Variants in TGFBR1 observed in about 807,000 individuals in gnomAD.
The protein encoded by TGFBR1 is transforming growth factor beta receptor 1, also known as TGF-beta receptor type-1.
Under a neutral mutation model 55.1 loss-of-function variants are expected in TGFBR1, and 20 were observed. That is an observed-to-expected ratio of 0.36 (90% CI 0.26 to 0.53). The LOEUF is 0.53. Among genes scored for constraint, TGFBR1 ranks in the 20% least tolerant of loss-of-function variants. TGFBR1 has a pLI of 0.91. For synonymous variants in TGFBR1, 220 were observed against 214.8 expected (o/e 1.02, Z -0.21); for missense variants, 385 against 617.6 (o/e 0.62, Z 3.99).
intron 1 of TGFBR1, among the ~76,000 whole-genome samples, chr9:99,128,349 TCTGTTTCCGTTA>T (rs1827101002): frequency 6.6e-6 from 1 of 152,106 alleles, no homozygotes; most frequent in Non-Finnish European, 1.5e-5. Context: ...TCAGTACAAA[TCTGTTTCCGTTA>T]CTCCATTATC....
chr9:99,144,974 T>C, intron 6 of TGFBR1, 86 bp downstream of exon 6: 1 of 1,487,426 alleles, frequency 6.7e-7, no homozygotes, highest in Admixed American at 1.8e-5. Flanking sequence ...TTGCTGAAAC[T>C]CAGCTTAAAC....
intron 4 of TGFBR1, among the ~76,000 whole-genome samples, chr9:99,141,248 G>A (rs1026984819): frequency 6.6e-6 from 1 of 152,190 alleles, no homozygotes; most frequent in East Asian, 1.9e-4. Flanking sequence ...GCAAGGGTGC[G>A]AGTTTGGTCA....
chr9:99,145,868 A>T (rs921077829), intron 6 of TGFBR1: 12 of 154,640 alleles, frequency 7.8e-5, no homozygotes, highest in African/African-American at 2.9e-4. Flanking sequence ...TTCCCTGGGG[A>T]CTCTCAATTT....
At chr9:99,116,267 G>A (rs1368412843) in intron 1 of TGFBR1, among the ~76,000 whole-genome samples, 1 of 152,016 alleles carries the variant, frequency 6.6e-6, no homozygotes, top group Non-Finnish European at 1.5e-5. Context: ...GCCTTACCAT[G>A]GGAGAAGGGA....
At chr9:99,112,410 T>C (rs148277158) in intron 1 of TGFBR1, among the ~76,000 whole-genome samples, 202 of 152,326 alleles carry the variant, frequency 1.3e-3, no homozygotes, top group African/African-American at 4.6e-3. Context: ...TTTTAAAATA[T>C]TGTCATCATC....
chr9:99,124,203 A>G (rs1210750347), intron 1 of TGFBR1, among the ~76,000 whole-genome samples: 1 of 152,150 alleles, frequency 6.6e-6, no homozygotes, highest in Non-Finnish European at 1.5e-5. Flanking sequence ...AGCAGAGTAG[A>G]AACACTTTGA....
intron 3 of TGFBR1, among the ~76,000 whole-genome samples, chr9:99,134,801 AT>A (rs3837281): frequency 6.1e-5 from 3 of 49,006 alleles, no homozygotes; most frequent in African/African-American, 2.5e-4. Flanking sequence ...TTCTGTTTCC[AT>A]TATATATATA....
rs1469401658 is a variant in TGFBR1, at chr9:99,153,694, G to A, written c.*4389G>A. The A allele has an allele frequency of 5.0e-6, 1 of 200,030 alleles. No individual in the cohort carries two copies. The highest frequency in any genetic ancestry group is 2.3e-5 in the African/African-American group (1 of 43,484). 12.4% of individuals were successfully genotyped at this position (200,030 alleles called of 1,614,324 possible). A position where few individuals can be genotyped will look rare whatever the true frequency, so the allele number is the denominator to read the frequency against. On this transcript the variant is annotated 3_prime_UTR_variant, in exon 9 of 9. Coordinates refer to ENST00000374994, the MANE Select transcript of TGFBR1 (RefSeq NM_004612.4). ...AAATAAAGTGTATACGTTGGAATGA[G>A]TCATGCCATATGTAGTTGCTGTAGA...
chr9:99,110,531 A>G (rs1826537032), intron 1 of TGFBR1, among the ~76,000 whole-genome samples: 1 of 152,234 alleles, frequency 6.6e-6, no homozygotes, highest in African/African-American at 2.4e-5. Context: ...GTAGGTTTTG[A>G]TAACATCGGC....
chr9:99,126,647 C>T (rs1019943601), intron 1 of TGFBR1, among the ~76,000 whole-genome samples: 4 of 152,124 alleles, frequency 2.6e-5, no homozygotes, highest in African/African-American at 9.7e-5. Flanking sequence ...ATACATATAA[C>T]ATTTGGCTTA....
chr9:99,124,612 A>G, intron 1 of TGFBR1, among the ~76,000 whole-genome samples: 1 of 152,176 alleles, frequency 6.6e-6, no homozygotes, highest in East Asian at 1.9e-4. Context: ...ACTCATGTTC[A>G]TGGAAAAAAT....
Position 99,132,721 on chromosome 9 carries a change from A to G in TGFBR1, c.556A>G (p.Thr186Ala). ...GAAAGACTTAATTTATGATATGACA[A>G]CGTCAGGTTCTGGCTCAGGTAACAT... ...TLKDLIYDMT[T>A]SGSGSGLPLL... The change falls in exon 3 of 9, where the codon ACG (threonine) becomes GCG (alanine). Residue 186 changes from threonine to alanine, a missense_variant. This residue lies in a region of TGFBR1 where 146 missense variants were observed against 167.7 expected (regional missense o/e 0.87). Coordinates refer to ENST00000374994, the MANE Select transcript of TGFBR1 (RefSeq NM_004612.4). 1.2e-6 allele frequency: 2 copies of G among 1,614,138 alleles called. No homozygotes were observed. The highest frequency in any genetic ancestry group is 1.1e-5 in the South Asian group (1 of 91,086).
chr9:99,115,600 T>C (rs1186834865), intron 1 of TGFBR1, among the ~76,000 whole-genome samples: 1 of 152,156 alleles, frequency 6.6e-6, no homozygotes, highest in East Asian at 1.9e-4. Flanking sequence ...GCACACGATA[T>C]ATGTATGGGT....
At chr9:99,119,195 T>C (rs1456790089) in intron 1 of TGFBR1, among the ~76,000 whole-genome samples, 5 of 152,230 alleles carry the variant, frequency 3.3e-5, no homozygotes, top group African/African-American at 1.2e-4. Context: ...TCTTTCGCTG[T>C]TTGCTGGCCC....
In TGFBR1 at chr9:99,147,684, A is replaced by G. The variant is rs1827840874; in HGVS notation, c.1286A>G (p.Tyr429Cys). 2 of 1,613,678 alleles carry G rather than the reference A, an allele frequency of 1.2e-6. No homozygotes were observed. Among genetic ancestry groups the G allele is most frequent in the East Asian group, 2.2e-5 (1 of 44,850 alleles). Residue 429 changes from tyrosine (Y) to cysteine (C), a missense_variant, in exon 8 of 9, where the codon TAT (tyrosine) becomes TGT (cysteine). Tyr to Cys is a radical substitution (Grantham distance 194, BLOSUM62 -2). This residue lies in a region of TGFBR1 where 110 missense variants were observed against 154.6 expected (regional missense o/e 0.71). Coordinates refer to ENST00000374994, the MANE Select transcript of TGFBR1 (RefSeq NM_004612.4). ...CATGAAGATTACCAACTGCCTTATT[A>G]TGATCTTGTACCTTCTGACCCATCA... Reference protein sequence around the residue: ...GIHEDYQLPYYDLVPSDPSVE... With the variant: ...GIHEDYQLPYCDLVPSDPSVE...
chr9:99,142,004 G>A (rs944454251), intron 4 of TGFBR1, among the ~76,000 whole-genome samples: 5 of 151,988 alleles, frequency 3.3e-5, no homozygotes, highest in South Asian at 2.1e-4. Flanking sequence ...CTTGTCTTGC[G>A]TCTTTGTGAA....
intron 1 of TGFBR1, among the ~76,000 whole-genome samples, chr9:99,122,706 T>C (rs953680659): frequency 6.6e-6 from 1 of 152,186 alleles, no homozygotes. Context: ...GTAATTGTAT[T>C]TCCTGGCATG....
chr9:99,144,781 AAAG>A lies in TGFBR1; in HGVS notation c.1029_1031del (p.Lys343del). 1 of 1,614,038 alleles carries A rather than the reference AAAG, an allele frequency of 6.2e-7. No individual in the cohort carries two copies. Among genetic ancestry groups the A allele is most frequent in the Non-Finnish European group, 8.5e-7 (1 of 1,179,926 alleles). ...ATTTGAAATCAAAGAATATCTTGGT[AAAG>A]AAGAATGGAACTTGCTGTATTGCAG... is the stretch of plus-strand genomic sequence containing the variant. On this transcript the variant is annotated inframe_deletion, in exon 6 of 9. Transcript: ENST00000374994.
intron 1 of TGFBR1, among the ~76,000 whole-genome samples, chr9:99,121,328 A>G (rs1364718341): frequency 6.6e-6 from 1 of 152,200 alleles, no homozygotes; most frequent in East Asian, 1.9e-4. Flanking sequence ...AACAAAACCT[A>G]GGATAGTAGG....
Sources: gnomAD v4.1 joint callset for allele counts (sites outside exome capture counted in the v4.1 genomes callset) on GRCh38, gnomAD v4.1.1 for gene constraint, gnomAD v4.1.1 regional missense constraint, MANE v1.5 for transcripts, NCBI Gene and HGNC (gene_info 2026-07-23, HGNC 2026-07-21) for gene names.